DLGAP1: variants seen among roughly 807,000 people sequenced by gnomAD.
The protein encoded by DLGAP1 is disks large-associated protein 1.
In DLGAP1, 11 loss-of-function variants were observed where a neutral mutation model predicts 90.8. That is an observed-to-expected ratio of 0.12 (90% confidence interval 0.08 to 0.20). The LOEUF is 0.20. Ranked by LOEUF, DLGAP1 falls within the 10% of genes least tolerant of loss-of-function variation. The pLI is 1.00. For missense variants in DLGAP1, 1,050 were observed against 1,333.8 expected (o/e 0.79, Z 3.31); for synonymous variants, 558 against 540.7 (o/e 1.03, Z -0.44).
At chr18:4,163,159 C>T (rs981199766) in intron 1 of DLGAP1, among the ~76,000 whole-genome samples, 3 of 152,172 alleles carry the variant, frequency 2.0e-5, no homozygotes, top group Non-Finnish European at 4.4e-5. Context: ...CTCATCTTTG[C>T]TCATAAGCTT....
At position 3,879,125 on chromosome 18, in the gene DLGAP1, C is replaced by G; in HGVS notation, c.944G>C (p.Cys315Ser). 1 of 1,503,922 alleles carries G rather than the reference C, an allele frequency of 6.6e-7. No individual in the cohort carries two copies. Among genetic ancestry groups the G allele is most frequent in the Non-Finnish European group, 8.9e-7 (1 of 1,126,006 alleles). The allele number at this position is 1,503,922 out of a possible 1,614,324, so 93.2% of individuals were successfully genotyped here. A position where few individuals can be genotyped will look rare whatever the true frequency, so the allele number is the denominator to read the frequency against. Residue 315 changes from cysteine to serine, a missense_variant, in exon 4 of 13, where the codon TGC (cysteine) becomes TCC (serine). Transcript: ENST00000315677. This position sits in a 1 kb window ranked among gnomAD's most constrained non-coding sequence, Gnocchi z 6.6. ...CAGAAATGGTACCTGCAGGTACTGG[C>G]AGGAGCGTTCTTGCTGACACGACTC... ...KSESCQQERS[C>S]QYLQVPQDEW...
intron 4 of DLGAP1, among the ~76,000 whole-genome samples, chr18:3,856,688 C>T (rs929719218): frequency 6.6e-6 from 1 of 151,970 alleles, no homozygotes; most frequent in Non-Finnish European, 1.5e-5. Flanking sequence ...AGTGAAACCC[C>T]GTCTCTACTA....
intron 2 of DLGAP1, among the ~76,000 whole-genome samples, chr18:4,062,148 T>C (rs1023260415): frequency 1.4e-4 from 22 of 152,192 alleles, no homozygotes; most frequent in Non-Finnish European, 2.6e-4. Context: ...CATATTTCTT[T>C]CTACCTGAGT....
intron 1 of DLGAP1, among the ~76,000 whole-genome samples, chr18:4,387,804 G>A (rs1312100077): frequency 6.6e-6 from 1 of 152,144 alleles, no homozygotes; most frequent in African/African-American, 2.4e-5. Context: ...GGTGGTGTGT[G>A]CCTGTAGTCC....
intron 1 of DLGAP1, among the ~76,000 whole-genome samples, chr18:4,240,649 C>T (rs1162159611): frequency 6.6e-6 from 1 of 152,262 alleles, no homozygotes; most frequent in Middle Eastern, 3.4e-3. Context: ...TCATAAGTGT[C>T]CTAACATAAT....
At chr18:3,587,838 T>TG (rs1326107009) in intron 7 of DLGAP1, among the ~76,000 whole-genome samples, 1 of 152,172 alleles carries the variant, frequency 6.6e-6, no homozygotes, top group East Asian at 1.9e-4. Flanking sequence ...GCTTCATTCT[T>TG]GAAGTCAGCA....
intron 1 of DLGAP1, among the ~76,000 whole-genome samples, chr18:4,283,319 A>G (rs1386758279): frequency 2.0e-5 from 3 of 152,220 alleles, no homozygotes; most frequent in Non-Finnish European, 4.4e-5. Context: ...AATGGAAGAC[A>G]TTTCTTAAGT....
chr18:4,015,548 CT>C (rs1293780400), intron 2 of DLGAP1, among the ~76,000 whole-genome samples: 1 of 152,200 alleles, frequency 6.6e-6, no homozygotes, highest in Non-Finnish European at 1.5e-5. Context: ...TCATTATATC[CT>C]GTTTGCTTTT....
intron 1 of DLGAP1, among the ~76,000 whole-genome samples, chr18:4,310,796 C>T (rs1416475460): frequency 6.6e-6 from 1 of 152,152 alleles, no homozygotes; most frequent in South Asian, 2.1e-4. Flanking sequence ...ATTCTGTATG[C>T]CAAAAGGTTC....
At chr18:4,316,540 C>A (rs146128802) in intron 1 of DLGAP1, among the ~76,000 whole-genome samples, 2 of 152,148 alleles carry the variant, frequency 1.3e-5, no homozygotes, top group African/African-American at 4.8e-5. Context: ...TATGGCTCCA[C>A]GTGTGCCCTG....
chr18:4,173,939 A>T (rs1168307768), intron 1 of DLGAP1, among the ~76,000 whole-genome samples: 1 of 152,104 alleles, frequency 6.6e-6, no homozygotes, highest in African/African-American at 2.4e-5. Context: ...CTTTATCCTC[A>T]GAGGAATGAC....
At chr18:3,523,544 A>G (rs1479411680) in intron 10 of DLGAP1, among the ~76,000 whole-genome samples, 1 of 151,952 alleles carries the variant, frequency 6.6e-6, no homozygotes, top group Non-Finnish European at 1.5e-5. Flanking sequence ...AAAAAACTCA[A>G]TTTAAAAATG....
intron 3 of DLGAP1, among the ~76,000 whole-genome samples, chr18:3,886,661 C>T (rs1385928953): frequency 6.6e-6 from 1 of 152,122 alleles, no homozygotes; most frequent in African/African-American, 2.4e-5. Flanking sequence ...TTTTGGCATC[C>T]CTCCACCTGC....
rs2079795335 is a variant in DLGAP1, at chr18:4,289,605, A to G, written c.-266-138318T>C. On this transcript the variant is annotated intron_variant, in intron 1 of 12. Transcript: ENST00000315677. ...TCAATGGAGGTGGTAGGAGGGTAGT[A>G]GGAGTGGAGGTATTTCCTTCAACAG... Among the ~76,000 whole-genome samples the G allele has an allele frequency of 1.3e-5, 2 of 152,186 alleles. 1 individual carries two copies. The highest frequency in any genetic ancestry group is 4.1e-4 in the South Asian group (2 of 4,826).
rs1351481800 is a variant in DLGAP1 at position 4,034,394 on chromosome 18, TAATCACATTAA to T, written c.-158-29204_-158-29194del. ...GTATCCATTTTAGCCAAGATATTAT[TAATCACATTAA>T]AATCACATTAAAAACATAAAAATCA... On this transcript the variant is annotated intron_variant, in intron 2 of 12. Coordinates refer to ENST00000315677, the MANE Select transcript of DLGAP1 (RefSeq NM_004746.4). Among the ~76,000 whole-genome samples, 9 of 152,118 alleles carry T rather than the reference TAATCACATTAA, an allele frequency of 5.9e-5. 1 individual carries two copies. The highest frequency in any genetic ancestry group is 3.3e-4 in the Admixed American group (5 of 15,274).
intron 1 of DLGAP1, among the ~76,000 whole-genome samples, chr18:4,390,749 G>C (rs2082324541): frequency 6.6e-6 from 1 of 152,162 alleles, no homozygotes; most frequent in African/African-American, 2.4e-5. Context: ...TCCACTGATG[G>C]AAGACATCTT....
chr18:4,048,982 T>G (rs562427310), intron 2 of DLGAP1, among the ~76,000 whole-genome samples: 19 of 152,250 alleles, frequency 1.2e-4, no homozygotes, highest in African/African-American at 3.9e-4. Flanking sequence ...ATCCTGGCAC[T>G]TTGGGAGGCC....
At chr18:4,220,496 T>C (rs577238924) in intron 1 of DLGAP1, among the ~76,000 whole-genome samples, 1 of 152,248 alleles carries the variant, frequency 6.6e-6, no homozygotes, top group African/African-American at 2.4e-5. Context: ...CACTGTAAAT[T>C]TGTCATCAAC....
intron 9 of DLGAP1, among the ~76,000 whole-genome samples, chr18:3,559,391 T>G (rs958672561): frequency 6.6e-6 from 1 of 152,228 alleles, no homozygotes; most frequent in African/African-American, 2.4e-5. Flanking sequence ...ATTATCTAGT[T>G]GGATTAACAT....
Sources: gnomAD v4.1 joint callset for allele counts (sites outside exome capture counted in the v4.1 genomes callset) on GRCh38, gnomAD v4.1.1 for gene constraint, Gnocchi (gnomAD v3.1) non-coding constraint, MANE v1.5 for transcripts, NCBI Gene and HGNC (gene_info 2026-07-23, HGNC 2026-07-21) for gene names.